The following CWC27 variants were observed in gnomAD, a reference collection of about 807,000 sequenced individuals.
CWC27 encodes spliceosome-associated protein CWC27 homolog.
A neutral mutation model predicts 63.6 loss-of-function variants in CWC27; 47 were observed. The ratio of observed to expected loss-of-function variants is 0.74; its 90% CI spans 0.58 to 0.94. The LOEUF is 0.94. Ranked by LOEUF, CWC27 falls within the 40% of genes least tolerant of loss-of-function variation. CWC27 has a pLI of 0.00. For synonymous variants in CWC27, 175 were observed against 179.8 expected (o/e 0.97, Z 0.22); for missense variants, 495 against 554.3 (o/e 0.89, Z 1.07).
chr5:64,817,187 A>G (rs191907198), intron 10 of CWC27, among the ~76,000 whole-genome samples: 90 of 152,160 alleles, frequency 5.9e-4, no homozygotes, highest in African/African-American at 2.1e-3. Flanking sequence ...CTGCACTTCT[A>G]GTTACCTCAG....
rs201232840 is a variant in CWC27 at position 64,774,769 on chromosome 5, A to C, written c.121A>C (p.Ile41Leu). The part of the protein sequence containing the change: ...KEAPKACRNF[I>L]QLCLEAYYDN... ...AGCTCCTAAAGCTTGCAGAAATTTTATCCAACTTTGTTTGGAAGGTATGTT... is the reference window on the plus strand; with the variant it reads ...AGCTCCTAAAGCTTGCAGAAATTTTCTCCAACTTTGTTTGGAAGGTATGTT... The change falls in exon 2 of 14, where the codon ATC becomes CTC. Residue 41 changes from isoleucine to leucine, a missense_variant. This residue lies in a region of CWC27 where 463 missense variants were observed against 498.1 expected (regional missense o/e 0.93). Transcript: ENST00000381070. The C allele has an allele frequency of 6.9e-6, 11 of 1,589,548 alleles. No individual in the cohort carries two copies. The highest frequency in any genetic ancestry group is 8.6e-6 in the Non-Finnish European group (10 of 1,169,104).
chr5:64,996,708 G>C (rs534035793), intron 13 of CWC27, among the ~76,000 whole-genome samples: 1 of 152,024 alleles, frequency 6.6e-6, no homozygotes, highest in South Asian at 2.1e-4. Context: ...ATTTGTTTTT[G>C]AAGACATTCT....
chr5:65,004,199 T>C (rs956160140), intron 13 of CWC27, among the ~76,000 whole-genome samples: 1 of 152,146 alleles, frequency 6.6e-6, no homozygotes, highest in Non-Finnish European at 1.5e-5. Context: ...GTTGAATGTA[T>C]GTCGCACTCC....
intron 11 of CWC27, among the ~76,000 whole-genome samples, chr5:64,931,891 T>C (rs1294471262): frequency 6.6e-6 from 1 of 152,102 alleles, no homozygotes; most frequent in African/African-American, 2.4e-5. Flanking sequence ...ATTGAATGCA[T>C]ATTCCAGCTT....
At chr5:64,979,130 A>G (rs551170265) in intron 13 of CWC27, among the ~76,000 whole-genome samples, 1 of 152,216 alleles carries the variant, frequency 6.6e-6, no homozygotes, top group Non-Finnish European at 1.5e-5. Context: ...CTCATTAGAA[A>G]GTTTAAAACG....
chr5:64,941,450 A>G (rs1346422806), intron 11 of CWC27, among the ~76,000 whole-genome samples: 1 of 152,164 alleles, frequency 6.6e-6, no homozygotes, highest in Admixed American at 6.5e-5. Context: ...AGGCAAATAT[A>G]TTATTTAAAA....
intron 10 of CWC27, chr5:64,807,990 G>T (rs547229598): frequency 7.2e-7 from 1 of 1,395,168 alleles, no homozygotes; most frequent in South Asian, 1.7e-5. Context: ...GTTGATAATC[G>T]ACTGGCTACT....
intron 10 of CWC27, among the ~76,000 whole-genome samples, chr5:64,851,009 A>G (rs977809258): frequency 6.6e-6 from 1 of 152,226 alleles, no homozygotes; most frequent in African/African-American, 2.4e-5. Context: ...TCAAAAATCT[A>G]ACATTAGCAT....
At chr5:64,935,262 C>T (rs1748322411) in intron 11 of CWC27, among the ~76,000 whole-genome samples, 1 of 152,178 alleles carries the variant, frequency 6.6e-6, no homozygotes, top group African/African-American at 2.4e-5. Flanking sequence ...TTTAATCCAT[C>T]TTGAGTTAAT....
intron 10 of CWC27, among the ~76,000 whole-genome samples, chr5:64,810,204 T>C (rs146062817): frequency 6.6e-6 from 1 of 152,296 alleles, no homozygotes; most frequent in African/African-American, 2.4e-5. Flanking sequence ...CAATTGACTG[T>C]AAATACCTGA....
intron 10 of CWC27, among the ~76,000 whole-genome samples, chr5:64,831,311 C>T (rs1405765203): frequency 6.6e-6 from 1 of 151,752 alleles, no homozygotes; most frequent in Non-Finnish European, 1.5e-5. Context: ...AGTTGAAAAT[C>T]CCTACTTTCC....
At chr5:64,907,020 T>C (rs1352588785) in intron 11 of CWC27, among the ~76,000 whole-genome samples, 1 of 152,124 alleles carries the variant, frequency 6.6e-6, no homozygotes, top group Admixed American at 6.6e-5. Context: ...TGTTCTATTG[T>C]TCTGTATATC....
intron 11 of CWC27, among the ~76,000 whole-genome samples, chr5:64,908,620 C>T (rs898408902): frequency 6.6e-6 from 1 of 152,128 alleles, no homozygotes; most frequent in Non-Finnish European, 1.5e-5. Flanking sequence ...TTGAATTGAT[C>T]CCTTTACCAC....
At chr5:64,821,766 A>G (rs1016058720) in intron 10 of CWC27, among the ~76,000 whole-genome samples, 1 of 152,196 alleles carries the variant, frequency 6.6e-6, no homozygotes, top group Non-Finnish European at 1.5e-5. Context: ...TAACTTATTC[A>G]GGATTACTCT....
intron 10 of CWC27, among the ~76,000 whole-genome samples, chr5:64,805,174 G>A (rs367885096): frequency 3.3e-5 from 5 of 151,406 alleles, no homozygotes; most frequent in South Asian, 2.1e-4. Flanking sequence ...GGATTTCCAC[G>A]CTATCATTGC....
chr5:64,842,102 G>C (rs570294214), intron 10 of CWC27, among the ~76,000 whole-genome samples: 11 of 152,122 alleles, frequency 7.2e-5, no homozygotes, highest in Non-Finnish European at 1.5e-4. Context: ...TTTACATTTT[G>C]TCTATTGCTG....
chr5:64,830,099 A>C (rs566984740), intron 10 of CWC27, among the ~76,000 whole-genome samples: 115 of 147,508 alleles, frequency 7.8e-4, no homozygotes, highest in Middle Eastern at 3.6e-3. Flanking sequence ...ATATGTATAC[A>C]TGTGCCATGT....
chr5:64,997,215 T>C (rs1331154467), intron 13 of CWC27, among the ~76,000 whole-genome samples: 1 of 152,060 alleles, frequency 6.6e-6, no homozygotes, highest in African/African-American at 2.4e-5. Context: ...GGATTTGGAG[T>C]CAGACCTGAA....
intron 11 of CWC27, among the ~76,000 whole-genome samples, chr5:64,945,056 C>G (rs564555114): frequency 1.6e-4 from 25 of 152,212 alleles, no homozygotes; most frequent in African/African-American, 6.0e-4. Flanking sequence ...TGGCATGTTC[C>G]CTGCCTCAGG....
Sources: gnomAD v4.1 joint callset for allele counts (sites outside exome capture counted in the v4.1 genomes callset) on GRCh38, gnomAD v4.1.1 for gene constraint, gnomAD v4.1.1 regional missense constraint, MANE v1.5 for transcripts, NCBI Gene and HGNC (gene_info 2026-07-23, HGNC 2026-07-21) for gene names.